The following ARMH3 variants were observed in gnomAD, a reference collection of about 807,000 sequenced individuals.
ARMH3 encodes armadillo like helical domain containing 3.
A neutral mutation model predicts 99.1 loss-of-function variants in ARMH3; 60 were observed. That is an observed-to-expected ratio of 0.61 (90% CI 0.49 to 0.75). The LOEUF is 0.75. Among genes scored for constraint, ARMH3 ranks in the 30% least tolerant of loss-of-function variants. The pLI is 0.00. For synonymous variants in ARMH3, 285 were observed against 292.8 expected, an observed-to-expected ratio of 0.97 and a Z score of 0.27; for missense variants, 679 against 843.1, an observed-to-expected ratio of 0.81 and a Z score of 2.41.
intron 1 of ARMH3, among the ~76,000 whole-genome samples, chr10:102,047,036 C>G (rs6584475): frequency 0.56 from 84,688 of 151,942 alleles, 23,782 homozygotes; most frequent in East Asian, 0.76. Context: ...GTGAAACAGA[C>G]AGAAATAGAC....
chr10:101,894,086 A>G (rs867444556), intron 23 of ARMH3, among the ~76,000 whole-genome samples: 3 of 152,232 alleles, frequency 2.0e-5, no homozygotes, highest in Admixed American at 6.5e-5. Flanking sequence ...AAGGTGGAAC[A>G]GTCTAGATTC....
At chr10:101,974,906 CAAAG>C (rs2135921291) in intron 20 of ARMH3, among the ~76,000 whole-genome samples, 1 of 151,772 alleles carries the variant, frequency 6.6e-6, no homozygotes, top group Non-Finnish European at 1.5e-5. Flanking sequence ...CATTCTTACT[CAAAG>C]GAAGATTTAT....
Position 101,888,075 on chromosome 10 carries a change from A to T in ARMH3, c.1860+1337T>A, listed in dbSNP as rs1367376744. On this transcript the variant is annotated intron_variant, in intron 24 of 25. Transcript: ENST00000370033. ...AAATGTCTCCTTTTTTTTTTTTTTA[A>T]AAAAAAAAAAAAGCTTTTAGACTAA... Among the ~76,000 whole-genome samples, 29 of 146,642 alleles carry T rather than the reference A, an allele frequency of 2.0e-4. No individual in the cohort carries two copies. The East Asian group carries it at 3.0e-3, about 15-fold the overall frequency.
chr10:101,987,399 C>G (rs985716238), intron 19 of ARMH3, among the ~76,000 whole-genome samples: 1 of 152,290 alleles, frequency 6.6e-6, no homozygotes, highest in East Asian at 1.9e-4. Context: ...CTCTAATGCT[C>G]CAGTCAGCAT....
chr10:101,947,024 C>T (rs1844562816), intron 22 of ARMH3, among the ~76,000 whole-genome samples: 1 of 151,910 alleles, frequency 6.6e-6, no homozygotes, highest in Admixed American at 6.6e-5. Flanking sequence ...CCCGTCTCTA[C>T]TAAAAATACA....
intron 19 of ARMH3, among the ~76,000 whole-genome samples, chr10:101,987,749 G>A (rs1036248649): frequency 2.4e-4 from 37 of 152,090 alleles, no homozygotes; most frequent in Admixed American, 1.2e-3. Context: ...CCAACCCTAC[G>A]GAGAGACCCA....
chr10:101,926,167 C>A (rs2135634346), intron 23 of ARMH3, among the ~76,000 whole-genome samples: 1 of 152,178 alleles, frequency 6.6e-6, no homozygotes, highest in Admixed American at 6.5e-5. Flanking sequence ...CTGATATAAA[C>A]CTGATAATTT....
At chr10:101,929,040 A>G (rs976485430) in intron 23 of ARMH3, among the ~76,000 whole-genome samples, 7 of 152,146 alleles carry the variant, frequency 4.6e-5, no homozygotes, top group African/African-American at 1.7e-4. Context: ...CAATAAAATA[A>G]ATTTTTAAAA....
At chr10:101,926,364 T>C (rs988568285) in intron 23 of ARMH3, among the ~76,000 whole-genome samples, 1 of 152,094 alleles carries the variant, frequency 6.6e-6, no homozygotes, top group Non-Finnish European at 1.5e-5. Context: ...ATTATTTTTT[T>C]ATTTTTTGTA....
chr10:102,033,518 A>G, intron 2 of ARMH3, 179 bp from the exon 3 acceptor site: 2 of 622,558 alleles, frequency 3.2e-6, no homozygotes, highest in Non-Finnish European at 5.2e-6. Flanking sequence ...CCCAGGGTTC[A>G]CGCCATTCCC....
At chr10:102,051,179 G>C (rs1006108763) in intron 1 of ARMH3, among the ~76,000 whole-genome samples, 31 of 144,818 alleles carry the variant, frequency 2.1e-4, no homozygotes, top group Non-Finnish European at 1.1e-4. Context: ...AAAAAAGAAA[G>C]AAAGAAAAGT....
chr10:101,848,738 G>A (rs7090198), intron 25 of ARMH3, among the ~76,000 whole-genome samples: 30,571 of 151,872 alleles, frequency 0.2, 3,402 homozygotes, highest in East Asian at 0.48. Flanking sequence ...TCAGAGCCTC[G>A]AGACACCGCT....
At chr10:101,899,586 C>G (rs997306804) in intron 23 of ARMH3, among the ~76,000 whole-genome samples, 5 of 152,302 alleles carry the variant, frequency 3.3e-5, no homozygotes, top group Non-Finnish European at 5.9e-5. Context: ...AGCAATTTCC[C>G]TTGATGCCTG....
chr10:102,029,427 G>A (rs762072496), intron 5 of ARMH3: 5 of 1,532,934 alleles, frequency 3.3e-6, no homozygotes, highest in Middle Eastern at 3.6e-4. Context: ...ATCCCGCAGG[G>A]AAAGAATACC....
chr10:102,021,708 C>T (rs929841168), intron 8 of ARMH3, among the ~76,000 whole-genome samples: 14 of 152,032 alleles, frequency 9.2e-5, no homozygotes, highest in Non-Finnish European at 1.3e-4. Context: ...CCACTACGCC[C>T]GGCTAATTTT....
At chr10:101,898,337 G>A (rs1016614217) in intron 23 of ARMH3, among the ~76,000 whole-genome samples, 14 of 151,382 alleles carry the variant, frequency 9.2e-5, no homozygotes, top group Admixed American at 2.6e-4. Context: ...TAGCCTGGGT[G>A]ACAGAGCAAG....
At chr10:101,893,882 C>A (rs1032967798) in intron 23 of ARMH3, among the ~76,000 whole-genome samples, 1 of 152,134 alleles carries the variant, frequency 6.6e-6, no homozygotes, top group African/African-American at 2.4e-5. Context: ...CTTCATACTG[C>A]AGGACATACA....
At chr10:102,032,907 C>T (rs2067165284) in intron 4 of ARMH3, 119 bp downstream of exon 4, 1 of 1,159,818 alleles carries the variant, frequency 8.6e-7, no homozygotes, top group Non-Finnish European at 1.2e-6. Flanking sequence ...TGGTAACTTA[C>T]AGAAATAAAA....
intron 22 of ARMH3, among the ~76,000 whole-genome samples, chr10:101,953,769 A>G (rs1397601934): frequency 6.6e-6 from 1 of 152,140 alleles, no homozygotes; most frequent in Non-Finnish European, 1.5e-5. Flanking sequence ...ACTTTCATGC[A>G]TTGCTGGAGA....
Sources: gnomAD v4.1 joint callset for allele counts (sites outside exome capture counted in the v4.1 genomes callset) on GRCh38, gnomAD v4.1.1 for gene constraint, MANE v1.5 for transcripts, NCBI Gene and HGNC (gene_info 2026-07-23, HGNC 2026-07-21) for gene names.